Variants in MVB12B observed in about 807,000 individuals in gnomAD.
MVB12B encodes the protein ESCRT-I complex subunit MVB12B.
Under a neutral mutation model 41.6 loss-of-function variants are expected in MVB12B, and 16 were observed. That is an observed-to-expected ratio of 0.38 (90% CI 0.26 to 0.58). MVB12B has a LOEUF of 0.58. MVB12B is among the 20% of genes least tolerant of loss of function. The probability of loss-of-function intolerance (pLI) is 0.62; values close to 1 mark genes in which losing one functional copy is unlikely to be tolerated. For synonymous variants in MVB12B, 133 were observed against 139.7 expected (o/e 0.95, Z 0.34); for missense variants, 274 against 380.2 (o/e 0.72, Z 2.32).
chr9:126,444,102 T>C (rs927847823), intron 7 of MVB12B, among the ~76,000 whole-genome samples: 2 of 152,232 alleles, frequency 1.3e-5, no homozygotes, highest in African/African-American at 4.8e-5. Context: ...CAGGTGGTCG[T>C]CAGGCTGGGA....
At chr9:126,449,731 G>A (rs1832856852) in intron 7 of MVB12B, among the ~76,000 whole-genome samples, 2 of 152,120 alleles carry the variant, frequency 1.3e-5, no homozygotes, top group African/African-American at 2.4e-5. Context: ...TTCCTCTCCT[G>A]ACTGGCCTTA....
At chr9:126,381,555 C>T (rs1830636253) in intron 3 of MVB12B, among the ~76,000 whole-genome samples, 3 of 152,228 alleles carry the variant, frequency 2.0e-5, no homozygotes, top group African/African-American at 4.8e-5. Context: ...GCCCCTGTGA[C>T]CCCACCCCAT....
intron 8 of MVB12B, among the ~76,000 whole-genome samples, chr9:126,482,152 T>A (rs1833536716): frequency 2.0e-5 from 3 of 151,534 alleles, no homozygotes; most frequent in Non-Finnish European, 2.9e-5. Context: ...ACTGCTAGGG[T>A]CAGCCCTCCA....
At chr9:126,329,896 C>T (rs572877831) in intron 1 of MVB12B, among the ~76,000 whole-genome samples, 83 of 152,010 alleles carry the variant, frequency 5.5e-4, no homozygotes, top group Non-Finnish European at 9.6e-4. Context: ...GAGGCCCACC[C>T]TGGCCAGCAT....
chr9:126,481,755 C>CT (rs1342067907), intron 8 of MVB12B, among the ~76,000 whole-genome samples: 20 of 152,224 alleles, frequency 1.3e-4, no homozygotes, highest in African/African-American at 4.6e-4. Context: ...TGCACTGAGC[C>CT]TTTGCCATGC....
At chr9:126,476,772 G>A (rs1048678885) in intron 7 of MVB12B, among the ~76,000 whole-genome samples, 5 of 150,990 alleles carry the variant, frequency 3.3e-5, no homozygotes, top group South Asian at 2.1e-4. Context: ...AGCTACTCGG[G>A]AGGCTGAGGC....
intron 2 of MVB12B, among the ~76,000 whole-genome samples, chr9:126,365,286 C>T (rs183661653): frequency 2.1e-5 from 3 of 139,738 alleles, no homozygotes; most frequent in East Asian, 2.0e-4. Context: ...AGAATGGTCT[C>T]GATCTCCTGA....
Position 126,386,419 on chromosome 9 carries a change from T to C in MVB12B, c.313-143T>C, listed in dbSNP as rs1830794419. ...GTCCCTGCATAACCACTGGGGACCA[T>C]TAAGTGTCACCTACTCTAATTAACC... On this transcript the variant is annotated intron_variant, in intron 3 of 9. Transcript: ENST00000361171. This position sits in a 1 kb window ranked among gnomAD's most constrained non-coding sequence, Gnocchi z 4.3. 2.8e-5 allele frequency: 17 copies of C among 614,326 alleles called. No homozygotes were observed. In the East Asian group the frequency reaches 4.9e-4, roughly 18 times the overall value. The allele number at this position is 614,326 out of a possible 1,614,324, so 38.1% of individuals were successfully genotyped here.
At chr9:126,371,155 A>C (rs1472098506) in intron 2 of MVB12B, among the ~76,000 whole-genome samples, 2 of 152,062 alleles carry the variant, frequency 1.3e-5, no homozygotes, top group Admixed American at 6.5e-5. Flanking sequence ...GGCTGAGAGG[A>C]GCCGGCCTTC....
intron 7 of MVB12B, among the ~76,000 whole-genome samples, chr9:126,475,796 A>G (rs1207467241): frequency 6.6e-6 from 1 of 152,186 alleles, no homozygotes; most frequent in Non-Finnish European, 1.5e-5. Context: ...CGGGCTGGGA[A>G]AGTCACTTGA....
At position 126,340,586 on chromosome 9, in the gene MVB12B, G is replaced by A. The variant is rs371651537; in HGVS notation, c.160G>A (p.Gly54Arg). Residue 54 changes from glycine to arginine, a missense_variant, in exon 2 of 10, where the codon GGG (glycine) becomes AGG (arginine). Coordinates refer to ENST00000361171, the MANE Select transcript of MVB12B (RefSeq NM_033446.3). This position sits in a 1 kb window ranked among gnomAD's most constrained non-coding sequence, Gnocchi z 4.0. ...ETSMDPITGV[G>R]VVASRNRAPT... The stretch of plus-strand genomic sequence containing the variant: ...GTCAATGGATCCCATCACGGGAGTC[G>A]GGGTGGTGGCTTCTCGGAACCGAGC... 9.3e-6 allele frequency: 15 copies of A among 1,614,052 alleles called. No homozygotes were observed. In the African/African-American group the frequency reaches 1.1e-4, roughly 11 times the overall value.
At chr9:126,401,830 G>A (rs139354690) in intron 6 of MVB12B, among the ~76,000 whole-genome samples, 2 of 150,934 alleles carry the variant, frequency 1.3e-5, no homozygotes, top group Admixed American at 6.6e-5. Context: ...TAAGTCAGCA[G>A]TTGGGGCGGA....
At chr9:126,390,935 G>C (rs1183671469) in intron 4 of MVB12B, among the ~76,000 whole-genome samples, 2 of 145,524 alleles carry the variant, frequency 1.4e-5, no homozygotes, top group African/African-American at 5.1e-5. Flanking sequence ...CTGGGTGACA[G>C]AGTGAGACTC....
intron 7 of MVB12B, among the ~76,000 whole-genome samples, chr9:126,453,568 G>A (rs937199443): frequency 1.3e-5 from 2 of 152,230 alleles, no homozygotes; most frequent in African/African-American, 2.4e-5. Context: ...CCTGGAAGAG[G>A]TGTTCATTAC....
At chr9:126,496,376 G>A (rs1381150682) in intron 9 of MVB12B, among the ~76,000 whole-genome samples, 1 of 129,736 alleles carries the variant, frequency 7.7e-6, no homozygotes, top group Non-Finnish European at 1.6e-5. Flanking sequence ...CATCCACTCA[G>A]CCACTACCTA....
chr9:126,499,606 C>T (rs541590768), intron 9 of MVB12B, among the ~76,000 whole-genome samples: 3 of 152,220 alleles, frequency 2.0e-5, no homozygotes, highest in African/African-American at 7.2e-5. Context: ...TGGGTAAACA[C>T]GGCGGGAGGA....
In MVB12B at chr9:126,417,060, C is replaced by T. The variant is rs78842295; in HGVS notation, c.663-4794C>T. On this transcript the variant is annotated intron_variant, in intron 6 of 9. Transcript: ENST00000361171. The stretch of plus-strand genomic sequence containing the variant: ...CTTGATGTGCCTTTCTGTCCTGTCC[C>T]CATGTCCCCTGCTTCCTGTGTCCAG... Among the ~76,000 whole-genome samples, 66 of 152,332 alleles carry T rather than the reference C, an allele frequency of 4.3e-4. No homozygotes were observed. The East Asian group carries it at 0.012, about 28-fold the overall frequency.
In MVB12B at chr9:126,454,092, G is replaced by A. The variant is rs1330175927; in HGVS notation, c.758-27277G>A. 5.9e-5 allele frequency among the ~76,000 whole-genome samples: 9 copies of A among 152,200 alleles called. No individual in the cohort carries two copies. The East Asian group carries it at 1.7e-3, about 29-fold the overall frequency. Reference sequence around the variant, plus strand: ...CTAGCACCTCCCTTTGGTCCCTTCAGCATTTTAAAACCTGCTTTCTGTACT... The same window carrying A: ...CTAGCACCTCCCTTTGGTCCCTTCAACATTTTAAAACCTGCTTTCTGTACT... On this transcript the variant is annotated intron_variant, in intron 7 of 9. Transcript: ENST00000361171.
Position 126,505,317 on chromosome 9 carries a change from G to A in MVB12B, c.*2054G>A, listed in dbSNP as rs924036176. On this transcript the variant is annotated 3_prime_UTR_variant, in exon 10 of 10. Coordinates refer to ENST00000361171, the MANE Select transcript of MVB12B (RefSeq NM_033446.3). ...AGCAGTGAGGGCGGCTGCAGGAGAG[G>A]AAGGGGCTCCCACAGCCCCCACTGA... The A allele has an allele frequency of 3.9e-5, 6 of 152,308 alleles. No homozygotes were observed. The highest frequency in any genetic ancestry group is 3.9e-4 in the Admixed American group (6 of 15,306). 9.4% of individuals were successfully genotyped at this position (152,308 alleles called of 1,614,324 possible).
Sources: allele counts gnomAD v4.1 joint callset (sites outside exome capture counted in the v4.1 genomes callset), GRCh38; gene constraint gnomAD v4.1.1; non-coding constraint Gnocchi (gnomAD v3.1); transcripts MANE v1.5; gene names NCBI Gene and HGNC (gene_info 2026-07-23, HGNC 2026-07-21).